Variants in DNAH5 observed in about 807,000 individuals in gnomAD.
DNAH5 encodes the protein axonemal beta dynein heavy chain 5.
Under a neutral mutation model 518.2 loss-of-function variants are expected in DNAH5, and 372 were observed. The ratio of observed to expected loss-of-function variants is 0.72; its 90% CI spans 0.66 to 0.78. The LOEUF is 0.78. Ranked by LOEUF, DNAH5 falls within the 30% of genes least tolerant of loss-of-function variation. The pLI, the probability that DNAH5 is intolerant of heterozygous loss-of-function variation, is 0.00. For synonymous variants in DNAH5, 2,039 were observed against 2,025.9 expected (o/e 1.01, Z -0.17); for missense variants, 5,523 against 5,687.0 (o/e 0.97, Z 0.93).
intron 1 of DNAH5, among the ~76,000 whole-genome samples, chr5:14,010,875 T>C (rs1167197340): frequency 1.5e-5 from 2 of 129,586 alleles, no homozygotes. Flanking sequence ...ATTAGCATAA[T>C]AGATCCCTAC....
chr5:13,998,480 T>C (rs1293377760), intron 1 of DNAH5, among the ~76,000 whole-genome samples: 1 of 152,188 alleles, frequency 6.6e-6, no homozygotes, highest in Non-Finnish European at 1.5e-5. Flanking sequence ...CACATGCGCA[T>C]TGAACACATT....
Position 13,844,898 on chromosome 5 carries a change from G to T in DNAH5, c.5210C>A (p.Thr1737Asn), listed in dbSNP as rs1765756935. The change falls in exon 32 of 79, where the codon ACT (threonine) becomes AAT (asparagine). Residue 1737 changes from threonine to asparagine, a missense_variant. Physicochemically the swap from Thr to Asn is moderately conservative, Grantham distance 65. Around this residue, in one of 3 missense-constraint regions of DNAH5, gnomAD observed 5,121 missense variants for 5,223.3 expected, o/e 0.98. Coordinates refer to ENST00000265104, the MANE Select transcript of DNAH5 (RefSeq NM_001369.3). ...CACATTCAGCAAATGGGCCTGTATA[G>T]TGTGGGAGTCCGACGCCTGCCCCAG... Reference protein sequence around the residue: ...EILGQASDSHTIQAHLLNVFD... With the variant: ...EILGQASDSHNIQAHLLNVFD... 6.2e-7 allele frequency: 1 copy of T among 1,614,218 alleles called. No homozygotes were observed. Among genetic ancestry groups the T allele is most frequent in the South Asian group, 1.1e-5 (1 of 91,084 alleles).
At chr5:13,700,409 A>T (rs1741939376) in intron 78 of DNAH5, among the ~76,000 whole-genome samples, 1 of 152,208 alleles carries the variant, frequency 6.6e-6, no homozygotes, top group South Asian at 2.1e-4. Flanking sequence ...CACACATGTT[A>T]ATCTGCTTTA....
intron 41 of DNAH5, among the ~76,000 whole-genome samples, chr5:13,819,490 T>C (rs767884526): frequency 2.0e-5 from 3 of 152,076 alleles, no homozygotes; most frequent in Admixed American, 1.3e-4. Context: ...TCAGTAGCAG[T>C]GCACTGAGGT....
At chr5:13,924,228 T>C (rs996287515) in intron 3 of DNAH5, among the ~76,000 whole-genome samples, 1 of 152,076 alleles carries the variant, frequency 6.6e-6, no homozygotes, top group African/African-American at 2.4e-5. Context: ...GCAGTCAGGG[T>C]CTTGTAGAGG....
At chr5:13,827,222 T>G (rs926805164) in intron 38 of DNAH5, among the ~76,000 whole-genome samples, 9 of 152,062 alleles carry the variant, frequency 5.9e-5, no homozygotes, top group Non-Finnish European at 1.2e-4. Context: ...AATGATGCAA[T>G]GGAAAGGAAA....
chr5:13,912,272 C>A (rs1776075759), intron 11 of DNAH5, among the ~76,000 whole-genome samples: 1 of 152,028 alleles, frequency 6.6e-6, no homozygotes, highest in Admixed American at 6.6e-5. Context: ...TCTTCAAAGT[C>A]ACTTCCATTT....
At chr5:13,867,442 G>A (rs558009653) in intron 25 of DNAH5, among the ~76,000 whole-genome samples, 1 of 152,128 alleles carries the variant, frequency 6.6e-6, no homozygotes, top group South Asian at 2.1e-4. Flanking sequence ...TGTGAAGAAG[G>A]TGCCTTGCTT....
At chr5:13,784,744 C>G (rs529610524) in intron 52 of DNAH5, among the ~76,000 whole-genome samples, 3 of 152,046 alleles carry the variant, frequency 2.0e-5, no homozygotes, top group Admixed American at 2.0e-4. Flanking sequence ...GGATGTAGTC[C>G]GGAAAAGTAG....
In DNAH5 at chr5:13,770,930, T is replaced by C. The variant is rs1753253947; in HGVS notation, c.9424A>G (p.Lys3142Glu). 6.2e-7 allele frequency: 1 copy of C among 1,614,142 alleles called. No individual in the cohort carries two copies. Among genetic ancestry groups the C allele is most frequent in the Non-Finnish European group, 8.5e-7 (1 of 1,180,000 alleles). The change falls in exon 56 of 79, where the codon AAG (lysine) becomes GAG (glutamate). Residue 3142 changes from lysine (K) to glutamate (E), a missense_variant. Coordinates refer to ENST00000265104, the MANE Select transcript of DNAH5 (RefSeq NM_001369.3). ...SYDIDCSLEI[K>E]KEVVQCMGSF... The stretch of plus-strand genomic sequence containing the variant: ...CCCATGCATTGGACCACCTCCTTCT[T>C]GATTTCCAAACTGCAGTCAATATCA...
chr5:13,791,498 G>A (rs976407912), intron 50 of DNAH5, among the ~76,000 whole-genome samples: 12 of 152,126 alleles, frequency 7.9e-5, no homozygotes, highest in South Asian at 2.1e-4. Flanking sequence ...ACCAATGTAC[G>A]TAAATCTTTT....
intron 70 of DNAH5, among the ~76,000 whole-genome samples, chr5:13,722,322 T>A (rs1745162599): frequency 1.3e-5 from 2 of 152,240 alleles, no homozygotes; most frequent in Non-Finnish European, 2.9e-5. Flanking sequence ...TCTGGGCTCA[T>A]CCCTCATCTT....
chr5:13,962,295 C>T (rs189567772), intron 1 of DNAH5, among the ~76,000 whole-genome samples: 46 of 152,184 alleles, frequency 3.0e-4, no homozygotes, highest in South Asian at 2.1e-4. Flanking sequence ...TATGACATAA[C>T]GCAAGTTTTT....
chr5:13,785,016 G>C (rs1190692652), intron 52 of DNAH5, among the ~76,000 whole-genome samples: 1 of 151,918 alleles, frequency 6.6e-6, no homozygotes, highest in Non-Finnish European at 1.5e-5. Flanking sequence ...AATGATTCAA[G>C]CGCATTACAT....
At chr5:13,925,239 C>T (rs1390175544) in intron 3 of DNAH5, among the ~76,000 whole-genome samples, 7 of 152,042 alleles carry the variant, frequency 4.6e-5, no homozygotes, top group African/African-American at 1.7e-4. Flanking sequence ...TCAACCAAGG[C>T]ACCAACGCAT....
intron 50 of DNAH5, among the ~76,000 whole-genome samples, chr5:13,790,128 G>A (rs1342972434): frequency 1.3e-5 from 2 of 152,284 alleles, no homozygotes; most frequent in South Asian, 2.1e-4. Flanking sequence ...AAGCATTGTG[G>A]AATGCACTAT....
chr5:13,981,157 C>T (rs1782646303), intron 1 of DNAH5, among the ~76,000 whole-genome samples: 1 of 152,354 alleles, frequency 6.6e-6, no homozygotes, highest in Admixed American at 6.5e-5. Context: ...AGGGAAGGGT[C>T]TTGGTCTGTT....
intron 1 of DNAH5, among the ~76,000 whole-genome samples, chr5:14,007,724 G>T (rs1044987217): frequency 2.0e-5 from 3 of 152,184 alleles, no homozygotes; most frequent in Non-Finnish European, 4.4e-5. Context: ...TGATCTTGCT[G>T]TAAGTTACCC....
intron 40 of DNAH5, among the ~76,000 whole-genome samples, chr5:13,822,490 G>A (rs1032239478): frequency 5.9e-5 from 9 of 151,856 alleles, no homozygotes; most frequent in Non-Finnish European, 4.4e-5. Flanking sequence ...GGGCTCAAGC[G>A]ATCCACTCAC....
Sources: gnomAD v4.1 joint callset for allele counts (sites outside exome capture counted in the v4.1 genomes callset) on GRCh38, gnomAD v4.1.1 for gene constraint, gnomAD v4.1.1 regional missense constraint, MANE v1.5 for transcripts, NCBI Gene and HGNC (gene_info 2026-07-23, HGNC 2026-07-21) for gene names.